Variants in ZNF341 observed in about 807,000 individuals in gnomAD.
ZNF341 encodes the protein zinc finger protein 341.
A neutral mutation model predicts 87.7 loss-of-function variants in ZNF341; 52 were observed. That is an observed-to-expected ratio of 0.59 (90% CI 0.47 to 0.75). The LOEUF (loss-of-function observed/expected upper bound fraction) is 0.75, where lower values mean the gene tolerates loss of function less well. ZNF341 is among the 30% of genes least tolerant of loss of function. The pLI is 0.00. For missense variants in ZNF341, 977 were observed against 1,145.9 expected, an observed-to-expected ratio of 0.85 and a Z score of 2.13; for synonymous variants, 459 against 472.7, an observed-to-expected ratio of 0.97 and a Z score of 0.38.
At chr20:33,773,179 G>A (rs1285031341) in intron 10 of ZNF341, among the ~76,000 whole-genome samples, 1 of 152,136 alleles carries the variant, frequency 6.6e-6, no homozygotes, top group Non-Finnish European at 1.5e-5. Flanking sequence ...TGAAGATGAA[G>A]ACACTGAGGT....
At chr20:33,776,080 A>T (rs2019620642) in intron 10 of ZNF341, among the ~76,000 whole-genome samples, 1 of 151,872 alleles carries the variant, frequency 6.6e-6, no homozygotes, top group Non-Finnish European at 1.5e-5. Flanking sequence ...ATAATTAATT[A>T]ATTAATTTTT....
At chr20:33,752,801 G>T (rs1287415680) in intron 4 of ZNF341, among the ~76,000 whole-genome samples, 1 of 151,646 alleles carries the variant, frequency 6.6e-6, no homozygotes, top group East Asian at 1.9e-4. Flanking sequence ...ACAGGCGCCC[G>T]CCACCACGCC....
intron 1 of ZNF341, among the ~76,000 whole-genome samples, chr20:33,734,988 G>A (rs988357894): frequency 6.6e-6 from 1 of 151,318 alleles, no homozygotes; most frequent in African/African-American, 2.4e-5. Context: ...TTACAGGCAT[G>A]AGCCACTGAG....
rs2019104567 is a variant in ZNF341 at position 33,753,437 on chromosome 20, G to A, written c.741+14G>A. 6.3e-7 allele frequency: 1 copy of A among 1,574,940 alleles called. No homozygotes were observed. The highest frequency in any genetic ancestry group is 1.2e-5 in the South Asian group (1 of 85,504). The stretch of plus-strand genomic sequence containing the variant: ...CCACCCCTAGAGGTGAGCAGAGGGG[G>A]CAGGGTGGAAGAGGACACTGGTCAT... On this transcript the variant is annotated intron_variant, in intron 5 of 14. Transcript: ENST00000375200.
At chr20:33,752,119 T>C (rs370802760) in intron 4 of ZNF341, 2,950 of 284,304 alleles carry the variant, frequency 0.01, 71 homozygotes, top group African/African-American at 0.068. Flanking sequence ...CCCCCCCCCC[T>C]TTTTTTTTAA....
Position 33,753,296 on chromosome 20 carries a change from G to GC in ZNF341, c.620dup (p.Gly208TrpfsTer87), listed in dbSNP as rs2019100482. 1 of 1,611,548 alleles carries GC rather than the reference G, an allele frequency of 6.2e-7. No homozygotes were observed. ...CCACCACCTCCACCCCAGAGCCTGG[G>GC]CCCCCCTGGGCGTCCCAACCCTGGT... On this transcript the variant is annotated frameshift_variant, in exon 5 of 15. Coordinates refer to ENST00000375200, the MANE Select transcript of ZNF341 (RefSeq NM_001282933.2). LOFTEE classifies it high-confidence loss of function.
At chr20:33,755,449 A>G (rs1040901004) in intron 5 of ZNF341, among the ~76,000 whole-genome samples, 2 of 152,084 alleles carry the variant, frequency 1.3e-5, no homozygotes, top group African/African-American at 4.8e-5. Flanking sequence ...GGCATGAGCC[A>G]CCATACCCGG....
In ZNF341 at chr20:33,770,236, G is replaced by C. The variant is rs745990350; in HGVS notation, c.1566G>C (p.Gln522His). ...FPSLYDLGVH[Q>H]YSHSLLPQHS... Reference sequence around the variant, plus strand: ...CGCTGTACGACCTGGGCGTGCACCAGTACTCCCACAGCCTCCTGCCACAGC... The same window carrying C: ...CGCTGTACGACCTGGGCGTGCACCACTACTCCCACAGCCTCCTGCCACAGC... The change falls in exon 10 of 15, where the codon CAG becomes CAC. Residue 522 changes from glutamine (Q) to histidine (H), a missense_variant. By Grantham distance (24) the Gln-to-His change is conservative (BLOSUM62 0). Around this residue, in one of 3 missense-constraint regions of ZNF341, gnomAD observed 241 missense variants for 335.0 expected, o/e 0.72. Transcript: ENST00000375200. 6.2e-7 allele frequency: 1 copy of C among 1,606,534 alleles called. No individual in the cohort carries two copies. The highest frequency in any genetic ancestry group is 1.7e-5 in the Admixed American group (1 of 59,638).
intron 8 of ZNF341, among the ~76,000 whole-genome samples, chr20:33,762,859 A>G (rs1222223720): frequency 1.3e-5 from 2 of 152,206 alleles, no homozygotes; most frequent in Non-Finnish European, 2.9e-5. Flanking sequence ...TGCAAAGGAC[A>G]TGAACTCATT....
chr20:33,772,658 G>C (rs1199268512), intron 10 of ZNF341, among the ~76,000 whole-genome samples: 1 of 152,208 alleles, frequency 6.6e-6, no homozygotes, highest in Non-Finnish European at 1.5e-5. Context: ...ACAATGGATG[G>C]AGTGTGTTCC....
intron 10 of ZNF341, among the ~76,000 whole-genome samples, chr20:33,772,037 A>AAAAAAAAAAAAAAAAAATT (rs1555788269): frequency 6.8e-6 from 1 of 147,658 alleles, no homozygotes; most frequent in Non-Finnish European, 1.5e-5. Context: ...AAAAAAAAAG[A>AAAAAAAAAAAAAAAAAATT]TCTTCACGTC....
At chr20:33,767,709 A>G (rs1419966189) in intron 9 of ZNF341, among the ~76,000 whole-genome samples, 1 of 152,162 alleles carries the variant, frequency 6.6e-6, no homozygotes, top group East Asian at 1.9e-4. Flanking sequence ...GAAACCCAGT[A>G]CATGTGCTCT....
intron 4 of ZNF341, among the ~76,000 whole-genome samples, chr20:33,751,217 A>C (rs2019048346): frequency 6.6e-6 from 1 of 152,102 alleles, no homozygotes; most frequent in Admixed American, 6.6e-5. Context: ...CCATAAACAG[A>C]CATCTTTGCC....
intron 3 of ZNF341, among the ~76,000 whole-genome samples, chr20:33,747,452 A>G (rs1222411471): frequency 1.4e-5 from 2 of 143,620 alleles, no homozygotes; most frequent in Non-Finnish European, 3.0e-5. Context: ...CGTCTCTACT[A>G]AAAATACAAA....
At chr20:33,770,320 G>C (rs2019504280) in intron 10 of ZNF341, 28 bp downstream of exon 10, 9 of 1,576,966 alleles carry the variant, frequency 5.7e-6, no homozygotes, top group Admixed American at 3.4e-5. Context: ...CCCTCTCCCT[G>C]GGTGGACGGG....
chr20:33,745,203 C>T lies in ZNF341; in HGVS notation c.243C>T (p.Pro81=), dbSNP rs757682895. The change falls in exon 3 of 15, where the codon CCC becomes CCT. Residue 81 remains proline (P), a synonymous_variant. Coordinates refer to ENST00000375200, the MANE Select transcript of ZNF341 (RefSeq NM_001282933.2). Reference sequence around the variant, plus strand: ...GGGAACAGTGCCAGGGGAATGCCCCCGCCCTGGCCACAGTCTCACTGGCCA... The same window carrying T: ...GGGAACAGTGCCAGGGGAATGCCCCTGCCCTGGCCACAGTCTCACTGGCCA... ...HKREQCQGNA[P]ALATVSLATN... The T allele has an allele frequency of 1.5e-5, 24 of 1,614,066 alleles. No individual in the cohort carries two copies. Among genetic ancestry groups the T allele is most frequent in the Non-Finnish European group, 1.8e-5 (21 of 1,180,040 alleles).
chr20:33,790,622 A>G (rs1460925445), intron 14 of ZNF341, among the ~76,000 whole-genome samples: 1 of 152,204 alleles, frequency 6.6e-6, no homozygotes, highest in East Asian at 1.9e-4. Flanking sequence ...TTGGACACAC[A>G]GGGCTGGGTT....
At chr20:33,762,842 A>G (rs902221825) in intron 8 of ZNF341, among the ~76,000 whole-genome samples, 8 of 152,144 alleles carry the variant, frequency 5.3e-5, no homozygotes, top group African/African-American at 1.9e-4. Flanking sequence ...AGCTTCATCC[A>G]TGTCCCTGCA....
intron 12 of ZNF341, among the ~76,000 whole-genome samples, chr20:33,784,818 G>A (rs2019820364): frequency 6.6e-6 from 1 of 152,044 alleles, no homozygotes; most frequent in Admixed American, 6.6e-5. Flanking sequence ...GTTTTGCCAT[G>A]TTGGCCAGGC....
Sources: gnomAD v4.1 joint callset for allele counts (sites outside exome capture counted in the v4.1 genomes callset) on GRCh38, gnomAD v4.1.1 for gene constraint, gnomAD v4.1.1 regional missense constraint, MANE v1.5 for transcripts, NCBI Gene and HGNC (gene_info 2026-07-23, HGNC 2026-07-21) for gene names.